Variants in SMAP1 observed in about 807,000 individuals in gnomAD.
SMAP1 encodes the protein stromal membrane-associated protein 1.
SMAP1 carries 24 observed loss-of-function variants against 58.5 expected under a neutral mutation model. The ratio of observed to expected loss-of-function variants is 0.41; its 90% CI spans 0.30 to 0.58. The LOEUF (loss-of-function observed/expected upper bound fraction) is 0.58. SMAP1 is among the 20% of genes least tolerant of loss of function. The pLI, the probability that SMAP1 is intolerant of heterozygous loss-of-function variation, is 0.29. For synonymous variants in SMAP1, 216 were observed against 196.6 expected, an observed-to-expected ratio of 1.10 and a Z score of -0.82; for missense variants, 563 against 566.3, an observed-to-expected ratio of 0.99 and a Z score of 0.06.
At chr6:70,717,219 C>T (rs1016152423) in intron 1 of SMAP1, among the ~76,000 whole-genome samples, 4 of 152,260 alleles carry the variant, frequency 2.6e-5, no homozygotes, top group Admixed American at 2.6e-4. Context: ...AAGCTGAGAG[C>T]CAGAGCTTAT....
chr6:70,716,111 C>A (rs774762592), intron 1 of SMAP1, among the ~76,000 whole-genome samples: 1 of 152,214 alleles, frequency 6.6e-6, no homozygotes, highest in Non-Finnish European at 1.5e-5. Flanking sequence ...CAGATACATA[C>A]CACAGTTATC....
intron 4 of SMAP1, among the ~76,000 whole-genome samples, chr6:70,786,960 A>T (rs978879543): frequency 2.0e-5 from 3 of 152,314 alleles, no homozygotes; most frequent in Admixed American, 2.0e-4. Flanking sequence ...TTTAAAGTTC[A>T]TATGGAACCA....
chr6:70,750,214 G>T (rs546921576), intron 2 of SMAP1, among the ~76,000 whole-genome samples: 41 of 152,160 alleles, frequency 2.7e-4, no homozygotes, highest in South Asian at 2.1e-4. Context: ...ATGCCCTGTT[G>T]ACATAAAACA....
intron 5 of SMAP1, 33 bp from the exon 6 acceptor site, chr6:70,798,624 G>C: frequency 6.8e-7 from 1 of 1,463,978 alleles, no homozygotes; most frequent in South Asian, 1.4e-5. Flanking sequence ...TTTTAAAAAA[G>C]TAAACTTATC....
At chr6:70,753,066 C>T (rs534345442) in intron 2 of SMAP1, among the ~76,000 whole-genome samples, 4 of 151,334 alleles carry the variant, frequency 2.6e-5, no homozygotes, top group African/African-American at 7.3e-5. Context: ...ATTTCCCCCC[C>T]GAGATATTAA....
chr6:70,804,122 T>C (rs941044830), intron 6 of SMAP1, among the ~76,000 whole-genome samples: 1 of 152,192 alleles, frequency 6.6e-6, no homozygotes, highest in African/African-American at 2.4e-5. Context: ...TGTGAGAGCC[T>C]AAGTCTCTTT....
intron 6 of SMAP1, among the ~76,000 whole-genome samples, chr6:70,827,917 CTA>C (rs896518738): frequency 4.1e-4 from 62 of 152,038 alleles, no homozygotes; most frequent in African/African-American, 1.5e-3. Context: ...AAAGAGTACT[CTA>C]TGTGTTGACA....
At chr6:70,775,407 A>G (rs1280553713) in intron 4 of SMAP1, among the ~76,000 whole-genome samples, 2 of 152,174 alleles carry the variant, frequency 1.3e-5, no homozygotes, top group Non-Finnish European at 2.9e-5. Flanking sequence ...TTGGGATGGT[A>G]GCTGTTACTG....
At chr6:70,725,104 T>G (rs1281415677) in intron 1 of SMAP1, among the ~76,000 whole-genome samples, 2 of 79,780 alleles carry the variant, frequency 2.5e-5, no homozygotes, top group African/African-American at 5.3e-5. Flanking sequence ...TTTTTTTTTT[T>G]TTTTTTTTTT....
intron 2 of SMAP1, among the ~76,000 whole-genome samples, chr6:70,749,167 A>G (rs1766171583): frequency 6.6e-6 from 1 of 152,146 alleles, no homozygotes; most frequent in African/African-American, 2.4e-5. Flanking sequence ...CACATCTTAT[A>G]TGGCAGCAGG....
chr6:70,818,441 A>G (rs1362828952), intron 6 of SMAP1, among the ~76,000 whole-genome samples: 1 of 152,132 alleles, frequency 6.6e-6, no homozygotes, highest in East Asian at 1.9e-4. Context: ...TTTTCATATT[A>G]TGCTATTTTG....
intron 6 of SMAP1, among the ~76,000 whole-genome samples, chr6:70,810,758 T>C (rs569147766): frequency 6.6e-5 from 10 of 152,264 alleles, no homozygotes; most frequent in Middle Eastern, 3.4e-3. Context: ...AAAAAGTTTC[T>C]TAAAGTTGAG....
At chr6:70,787,248 G>A (rs537502848) in intron 4 of SMAP1, among the ~76,000 whole-genome samples, 2 of 152,316 alleles carry the variant, frequency 1.3e-5, no homozygotes, top group Non-Finnish European at 2.9e-5. Context: ...CTAGCCATAT[G>A]TAGAAAGCTG....
At chr6:70,767,816 C>T (rs1767067835) in intron 3 of SMAP1, among the ~76,000 whole-genome samples, 1 of 137,198 alleles carries the variant, frequency 7.3e-6, no homozygotes, top group Non-Finnish European at 1.5e-5. Flanking sequence ...AGAGGGCATC[C>T]CTGTCTTGTG....
chr6:70,787,978 C>T (rs1050996366), intron 4 of SMAP1, among the ~76,000 whole-genome samples: 1 of 152,068 alleles, frequency 6.6e-6, no homozygotes, highest in Non-Finnish European at 1.5e-5. Flanking sequence ...ATAAATCGTG[C>T]TACTATAAAG....
chr6:70,765,436 G>C (rs1341852535), intron 3 of SMAP1, among the ~76,000 whole-genome samples: 1 of 152,108 alleles, frequency 6.6e-6, no homozygotes, highest in Non-Finnish European at 1.5e-5. Context: ...AAATAAATGT[G>C]AGTTATATAC....
At chr6:70,835,065 C>T (rs1037004057) in intron 6 of SMAP1, among the ~76,000 whole-genome samples, 6 of 147,408 alleles carry the variant, frequency 4.1e-5, no homozygotes, top group South Asian at 2.2e-4. Context: ...CTAGCTAACA[C>T]GGTGAAACCC....
In SMAP1 at chr6:70,787,784, G is replaced by A. The variant is rs369186875; in HGVS notation, c.415-3905G>A. On this transcript the variant is annotated intron_variant, in intron 4 of 10. Transcript: ENST00000370455. ...CACACCAGTTAGAATGGCAATCATT[G>A]AAAAGTCAGGAAACAACAGGTGCTG... is the stretch of plus-strand genomic sequence containing the variant. Among the ~76,000 whole-genome samples the A allele has an allele frequency of 3.0e-3, 451 of 151,480 alleles. 9 individuals carry two copies. Among genetic ancestry groups the A allele is most frequent in the Admixed American group, 0.027 (403 of 15,108 alleles).
intron 1 of SMAP1, among the ~76,000 whole-genome samples, chr6:70,686,685 T>C (rs1014059319): frequency 1.3e-5 from 2 of 152,208 alleles, no homozygotes; most frequent in African/African-American, 4.8e-5. Context: ...TTCTTAAATA[T>C]TTGAATACAG....
Sources: allele counts gnomAD v4.1 joint callset (sites outside exome capture counted in the v4.1 genomes callset), GRCh38; gene constraint gnomAD v4.1.1; transcripts MANE v1.5; gene names NCBI Gene and HGNC (gene_info 2026-07-23, HGNC 2026-07-21).